SLC16A12: variants seen among roughly 807,000 people sequenced by gnomAD.
The protein encoded by SLC16A12 is monocarboxylate transporter 12.
SLC16A12 carries 17 observed loss-of-function variants against 42.4 expected under a neutral mutation model. The observed-to-expected ratio is 0.40, with a 90% confidence interval of 0.27 to 0.60. The LOEUF (loss-of-function observed/expected upper bound fraction) is 0.60, where lower values mean the gene tolerates loss of function less well. Among genes scored for constraint, SLC16A12 ranks in the 20% least tolerant of loss-of-function variants. The pLI, the probability that SLC16A12 is intolerant of heterozygous loss-of-function variation, is 0.42. For missense variants in SLC16A12, 544 were observed against 623.0 expected, an observed-to-expected ratio of 0.87 and a Z score of 1.35; for synonymous variants, 224 against 229.4, an observed-to-expected ratio of 0.98 and a Z score of 0.21.
Position 89,433,379 on chromosome 10 carries a change from A to G in SLC16A12, c.1289-53T>C, listed in dbSNP as rs546570631. On this transcript the variant is annotated intron_variant, in intron 7 of 7. Transcript: ENST00000371790. ...TTTTGAGTTGAAAATTCAATTGCTT[A>G]CCCACTCTCAAATTCTAATGATTTG... is the stretch of plus-strand genomic sequence containing the variant. The G allele has an allele frequency of 3.2e-6, 5 of 1,571,698 alleles. No individual in the cohort carries two copies. The East Asian group carries it at 1.1e-4, about 36-fold the overall frequency.
intron 2 of SLC16A12, among the ~76,000 whole-genome samples, chr10:89,553,694 G>A (rs1239587150): frequency 1.3e-5 from 2 of 152,032 alleles, no homozygotes; most frequent in African/African-American, 2.4e-5. Context: ...GCTTGGATTG[G>A]CCCTCACAGC....
intron 2 of SLC16A12, among the ~76,000 whole-genome samples, chr10:89,473,351 T>G (rs1220211382): frequency 6.6e-6 from 1 of 152,170 alleles, no homozygotes; most frequent in Non-Finnish European, 1.5e-5. Context: ...GACCTACACA[T>G]TTATTCACAT....
chr10:89,460,614 G>T lies in SLC16A12; in HGVS notation c.200+1765C>A, dbSNP rs1564576312. Among the ~76,000 whole-genome samples the T allele has an allele frequency of 2.0e-5, 3 of 151,708 alleles. No homozygotes were observed. The East Asian group carries it at 5.8e-4, about 29-fold the overall frequency. The stretch of plus-strand genomic sequence containing the variant: ...TTTTTGTATCCCAGTACAAAATTTT[G>T]TATCCCTGTAATCCTAGCTACTCCA... On this transcript the variant is annotated intron_variant, in intron 3 of 7. Transcript: ENST00000371790.
intron 2 of SLC16A12, among the ~76,000 whole-genome samples, chr10:89,526,472 T>C (rs1220995082): frequency 6.6e-6 from 1 of 152,208 alleles, no homozygotes; most frequent in Non-Finnish European, 1.5e-5. Flanking sequence ...AGTTATAAAG[T>C]TATTAAGACC....
At position 89,435,350 on chromosome 10, in the gene SLC16A12, C is replaced by T. The variant is rs185373815; in HGVS notation, c.1288+710G>A. Among the ~76,000 whole-genome samples the T allele has an allele frequency of 3.6e-3, 543 of 152,298 alleles. 3 individuals carry two copies. The highest frequency in any genetic ancestry group is 6.8e-3 in the Middle Eastern group (2 of 294). On this transcript the variant is annotated intron_variant, in intron 7 of 7. Transcript: ENST00000371790. ...ACATTATTTTCTAAGTCATCCTTGA[C>T]TTCTTTCTCTCATTCACCTCTGTAT...
chr10:89,514,416 AT>A (rs1843212714), intron 2 of SLC16A12, among the ~76,000 whole-genome samples: 1 of 152,130 alleles, frequency 6.6e-6, no homozygotes, highest in Non-Finnish European at 1.5e-5. Flanking sequence ...AGCAATAGAC[AT>A]TTTTCTTACA....
chr10:89,444,779 G>T lies in SLC16A12; in HGVS notation c.201-920C>A, dbSNP rs538204048. On this transcript the variant is annotated intron_variant, in intron 3 of 7. Transcript: ENST00000371790. ...TGGACAGTGGGTGTAGCCCATGGAG[G>T]GGGAGCCGAAGCAGGGTGGGGCATT... Among the ~76,000 whole-genome samples the T allele has an allele frequency of 2.7e-3, 404 of 152,270 alleles. 2 individuals carry two copies. The highest frequency in any genetic ancestry group is 9.4e-3 in the African/African-American group (391 of 41,558).
chr10:89,467,711 G>T (rs753784255), intron 2 of SLC16A12, among the ~76,000 whole-genome samples: 1 of 152,112 alleles, frequency 6.6e-6, no homozygotes, highest in South Asian at 2.1e-4. Context: ...AATTGAGCTG[G>T]TATGATTAAG....
intron 2 of SLC16A12, among the ~76,000 whole-genome samples, chr10:89,492,033 C>T (rs1842854614): frequency 1.3e-5 from 2 of 152,160 alleles, no homozygotes; most frequent in South Asian, 4.1e-4. Context: ...TAGATCAATT[C>T]ATGGATAATA....
intron 2 of SLC16A12, among the ~76,000 whole-genome samples, chr10:89,474,478 T>C (rs1842546662): frequency 1.3e-5 from 2 of 152,242 alleles, no homozygotes. Flanking sequence ...TAACTGTCAC[T>C]AGTTTTTAAA....
chr10:89,524,249 C>T (rs1280415313), intron 2 of SLC16A12, among the ~76,000 whole-genome samples: 1 of 152,202 alleles, frequency 6.6e-6, no homozygotes, highest in Non-Finnish European at 1.5e-5. Context: ...TCAGAGTTAA[C>T]TGCTTGAAAC....
At chr10:89,530,425 C>CT (rs1458335098) in intron 2 of SLC16A12, among the ~76,000 whole-genome samples, 3 of 143,958 alleles carry the variant, frequency 2.1e-5, no homozygotes, top group African/African-American at 2.6e-5. Context: ...TTTTTTTTTT[C>CT]TTTTTTTTCT....
intron 3 of SLC16A12, among the ~76,000 whole-genome samples, chr10:89,446,417 A>G (rs1842002733): frequency 6.6e-6 from 1 of 152,260 alleles, no homozygotes; most frequent in South Asian, 2.1e-4. Flanking sequence ...TCTTTGCAGA[A>G]ACCCTGCAAG....
rs1843792670 is a variant in SLC16A12, at chr10:89,554,112, G to C, written c.-47+1770C>G. Among the ~76,000 whole-genome samples, 4 of 146,216 alleles carry C rather than the reference G, an allele frequency of 2.7e-5. No homozygotes were observed. The South Asian group carries it at 9.0e-4, about 33-fold the overall frequency. ...AGAAAGAAAGAAAGAAGGAAGGAAG[G>C]AAGGAAGGAAGGAAGGAAGGAAGGA... On this transcript the variant is annotated intron_variant, in intron 2 of 2. Coordinates refer to the SLC16A12 transcript ENST00000475682.
intron 2 of SLC16A12, among the ~76,000 whole-genome samples, chr10:89,492,568 G>A (rs1234713875): frequency 3.3e-5 from 5 of 152,004 alleles, no homozygotes; most frequent in Admixed American, 6.6e-5. Flanking sequence ...GAGAAACCCC[G>A]TCTCTACTTA....
intron 2 of SLC16A12, among the ~76,000 whole-genome samples, chr10:89,544,041 C>T (rs140493804): frequency 2.3e-3 from 344 of 152,260 alleles, no homozygotes; most frequent in Admixed American, 4.1e-3. Flanking sequence ...AAATGTTCAC[C>T]GTATAACACC....
At chr10:89,518,653 G>A (rs915412937) in intron 2 of SLC16A12, among the ~76,000 whole-genome samples, 11 of 152,290 alleles carry the variant, frequency 7.2e-5, no homozygotes, top group Middle Eastern at 3.4e-3. Context: ...GGAAGATTAG[G>A]ATTGAAATCT....
intron 4 of SLC16A12, among the ~76,000 whole-genome samples, chr10:89,441,565 A>G (rs978993103): frequency 6.6e-6 from 1 of 152,188 alleles, no homozygotes; most frequent in Non-Finnish European, 1.5e-5. Flanking sequence ...TCTAAATTAC[A>G]TGTCATTTGC....
intron 2 of SLC16A12, among the ~76,000 whole-genome samples, chr10:89,488,988 G>A (rs1842806330): frequency 6.6e-6 from 1 of 152,096 alleles, no homozygotes; most frequent in Non-Finnish European, 1.5e-5. Flanking sequence ...TGAAAGAAAA[G>A]GTGATCATAT....
Sources: gnomAD v4.1 joint callset for allele counts (sites outside exome capture counted in the v4.1 genomes callset) on GRCh38, gnomAD v4.1.1 for gene constraint, MANE v1.5 for transcripts, NCBI Gene and HGNC (gene_info 2026-07-23, HGNC 2026-07-21) for gene names.